The following EHHADH variants were observed in gnomAD, a reference collection of about 807,000 sequenced individuals.
EHHADH encodes peroxisomal bifunctional enzyme.
In EHHADH, 48 loss-of-function variants were observed where a neutral mutation model predicts 64.4. The ratio of observed to expected loss-of-function variants is 0.75; its 90% CI spans 0.59 to 0.95. The LOEUF is 0.95. Among genes scored for constraint, EHHADH ranks in the 40% least tolerant of loss-of-function variants. EHHADH has a pLI of 0.00. For missense variants in EHHADH, 854 were observed against 876.6 expected (o/e 0.97, Z 0.33); for synonymous variants, 308 against 326.7 (o/e 0.94, Z 0.62).
intron 5 of EHHADH, among the ~76,000 whole-genome samples, chr3:185,212,183 T>G (rs1718559034): frequency 6.6e-6 from 1 of 152,266 alleles, no homozygotes; most frequent in African/African-American, 2.4e-5. Flanking sequence ...CACATGCATG[T>G]GCAAATATAT....
chr3:185,200,146 A>T (rs1219498810), intron 6 of EHHADH, among the ~76,000 whole-genome samples: 1 of 152,232 alleles, frequency 6.6e-6, no homozygotes, highest in Non-Finnish European at 1.5e-5. Flanking sequence ...GTTACCTGTT[A>T]CAGTGGCAGA....
In EHHADH at chr3:185,193,436, A is replaced by G; in HGVS notation, c.962T>C (p.Ile321Thr). Residue 321 changes from isoleucine (I) to threonine (T), a missense_variant, in exon 7 of 7, where the codon ATT becomes ACT. Transcript: ENST00000231887. Reference protein sequence around the residue: ...GIVISFARARIPVIAVDSDKN... With the variant: ...GIVISFARARTPVIAVDSDKN... ...GTCCGAGTCTACAGCAATCACAGGAATCCTGGCCCTTGCAAAAGAAATGAC... is the reference window on the plus strand; with the variant it reads ...GTCCGAGTCTACAGCAATCACAGGAGTCCTGGCCCTTGCAAAAGAAATGAC... 1.2e-6 allele frequency: 2 copies of G among 1,614,206 alleles called. No homozygotes were observed. The highest frequency in any genetic ancestry group is 8.5e-7 in the Non-Finnish European group (1 of 1,180,032).
At chr3:185,201,147 C>T (rs781030929) in intron 6 of EHHADH, among the ~76,000 whole-genome samples, 2 of 151,856 alleles carry the variant, frequency 1.3e-5, no homozygotes, top group South Asian at 2.1e-4. Flanking sequence ...TTCAGGGTAA[C>T]GACAAGACCT....
At chr3:185,215,502 G>A (rs140978366) in intron 5 of EHHADH, among the ~76,000 whole-genome samples, 3,412 of 152,182 alleles carry the variant, frequency 0.022, 44 homozygotes, top group Non-Finnish European at 0.036. Flanking sequence ...CGGCCAAGGG[G>A]AAGAAAAAAG....
At chr3:185,193,521 T>C (rs2108623108) in intron 6 of EHHADH, 34 bp from the exon 7 acceptor site, 2 of 1,605,590 alleles carry the variant, frequency 1.2e-6, no homozygotes, top group Non-Finnish European at 1.7e-6. Context: ...AAAAGAATGA[T>C]TCAGTGGTAT....
chr3:185,199,886 A>G (rs2108626905), intron 6 of EHHADH, among the ~76,000 whole-genome samples: 1 of 152,268 alleles, frequency 6.6e-6, no homozygotes, highest in African/African-American at 2.4e-5. Flanking sequence ...GCTGCAACTG[A>G]GGCATGTGCC....
intron 1 of EHHADH, among the ~76,000 whole-genome samples, chr3:185,248,811 C>A (rs984164532): frequency 1.3e-5 from 2 of 152,116 alleles, no homozygotes; most frequent in African/African-American, 4.8e-5. Flanking sequence ...AAAATTGACA[C>A]CAACCAATTT....
intron 6 of EHHADH, among the ~76,000 whole-genome samples, chr3:185,202,614 C>T (rs951656099): frequency 6.6e-6 from 1 of 152,164 alleles, no homozygotes; most frequent in Admixed American, 6.5e-5. Context: ...AGCATTTCAG[C>T]CTTGACCTCC....
intron 4 of EHHADH, among the ~76,000 whole-genome samples, chr3:185,221,734 G>A (rs943401720): frequency 2.0e-5 from 3 of 151,422 alleles, no homozygotes; most frequent in African/African-American, 4.9e-5. Flanking sequence ...CACCACCCCC[G>A]GCTACTTTTT....
At chr3:185,195,731 A>G (rs1189620324) in intron 6 of EHHADH, among the ~76,000 whole-genome samples, 3 of 152,216 alleles carry the variant, frequency 2.0e-5, no homozygotes, top group Admixed American at 1.3e-4. Flanking sequence ...AACACTGGGT[A>G]CACATGGCCC....
chr3:185,217,023 CA>C (rs980750120), intron 5 of EHHADH, among the ~76,000 whole-genome samples: 3 of 54,364 alleles, frequency 5.5e-5, no homozygotes, highest in African/African-American at 1.4e-4. Flanking sequence ...TTTGCGGAGA[CA>C]GAAGTTCTCA....
At chr3:185,229,249 A>G (rs1248884377) in intron 4 of EHHADH, among the ~76,000 whole-genome samples, 183 bp downstream of exon 4, 3 of 152,240 alleles carry the variant, frequency 2.0e-5, no homozygotes, top group Non-Finnish European at 4.4e-5. Context: ...GATCTTCACG[A>G]TAACGTTTGA....
At chr3:185,222,396 T>C (rs193218166) in intron 4 of EHHADH, among the ~76,000 whole-genome samples, 2 of 151,934 alleles carry the variant, frequency 1.3e-5, no homozygotes, top group African/African-American at 2.4e-5. Context: ...AAAATAAAAA[T>C]AAAAAAAGAA....
chr3:185,218,615 T>G (rs1233213243), intron 4 of EHHADH, among the ~76,000 whole-genome samples: 5 of 152,174 alleles, frequency 3.3e-5, no homozygotes, highest in African/African-American at 1.2e-4. Context: ...ACTACAGATC[T>G]CTATAGAAAT....
At chr3:185,228,442 G>A (rs909591163) in intron 4 of EHHADH, among the ~76,000 whole-genome samples, 9 of 151,412 alleles carry the variant, frequency 5.9e-5, no homozygotes, top group African/African-American at 2.2e-4. Context: ...CTTTTGGGAG[G>A]CCAAGGCAGG....
rs140735525 is a variant in EHHADH at position 185,192,732 on chromosome 3, T to C, written c.1666A>G (p.Arg556Gly). ...ACATCAGGAATTGGGCAGTACCTCC[T>C]ATTACCCCTTTTTCGGGCAGGAGTT... ...PGTPARKRGNRRYCPIPDVLC... is the reference protein window; with the variant it reads ...PGTPARKRGNGRYCPIPDVLC... The change falls in exon 7 of 7, where the codon AGG becomes GGG. Residue 556 changes from arginine (R) to glycine (G), a missense_variant. By Grantham distance (125) the Arg-to-Gly change is moderately radical. Transcript: ENST00000231887. 2.9e-4 allele frequency: 467 copies of C among 1,614,150 alleles called. 2 individuals are homozygous for C. In the African/African-American group the frequency reaches 4.8e-3, roughly 17 times the overall value.
At chr3:185,240,051 T>A (rs1719405785) in intron 2 of EHHADH, among the ~76,000 whole-genome samples, 1 of 152,272 alleles carries the variant, frequency 6.6e-6, no homozygotes, top group East Asian at 1.9e-4. Context: ...TTTTGTTTTT[T>A]AATTCTGTTT....
intron 4 of EHHADH, among the ~76,000 whole-genome samples, chr3:185,224,234 T>G (rs1309662604): frequency 6.6e-6 from 1 of 151,852 alleles, no homozygotes; most frequent in East Asian, 1.9e-4. Flanking sequence ...GCGCAGTGGC[T>G]CACACCTGTA....
At chr3:185,210,787 C>A (rs1718521164) in intron 5 of EHHADH, among the ~76,000 whole-genome samples, 1 of 151,814 alleles carries the variant, frequency 6.6e-6, no homozygotes, top group Non-Finnish European at 1.5e-5. Context: ...CAGTTCCTGG[C>A]AATTTCATTT....
Sources: gnomAD v4.1 joint callset for allele counts (sites outside exome capture counted in the v4.1 genomes callset) on GRCh38, gnomAD v4.1.1 for gene constraint, MANE v1.5 for transcripts, NCBI Gene and HGNC (gene_info 2026-07-23, HGNC 2026-07-21) for gene names.